The following PPP1R12B variants were observed in gnomAD, a reference collection of about 807,000 sequenced individuals.
The protein encoded by PPP1R12B is myosin phosphatase target subunit 2.
In PPP1R12B, 76 loss-of-function variants were observed where a neutral mutation model predicts 126.1. That is an observed-to-expected ratio of 0.60 (90% CI 0.50 to 0.73). PPP1R12B has a LOEUF of 0.73. Ranked by LOEUF, PPP1R12B falls within the 30% of genes least tolerant of loss-of-function variation. The probability of loss-of-function intolerance (pLI) is 0.00; values close to 1 mark genes in which losing one functional copy is unlikely to be tolerated. For synonymous variants in PPP1R12B, 356 were observed against 434.7 expected (o/e 0.82, Z 2.25); for missense variants, 1,052 against 1,205.1 (o/e 0.87, Z 1.88).
intron 10 of PPP1R12B, chr1:202,439,702 G>C: frequency 1.6e-6 from 1 of 607,050 alleles, no homozygotes; most frequent in Non-Finnish European, 3.0e-6. Context: ...AGGACTGGGG[G>C]TTGTGCAGCC....
intron 18 of PPP1R12B, among the ~76,000 whole-genome samples, chr1:202,520,997 T>C (rs1258839835): frequency 6.6e-6 from 1 of 151,998 alleles, no homozygotes; most frequent in African/African-American, 2.4e-5. Context: ...AAGAGCACAA[T>C]ACAAATAGGA....
chr1:202,511,362 G>A (rs1681485836), intron 18 of PPP1R12B, among the ~76,000 whole-genome samples: 1 of 151,716 alleles, frequency 6.6e-6, no homozygotes, highest in African/African-American at 2.4e-5. Flanking sequence ...GACTACAGAT[G>A]CCCGCCACCA....
intron 1 of PPP1R12B, among the ~76,000 whole-genome samples, chr1:202,399,975 T>C (rs1216425505): frequency 6.6e-6 from 1 of 151,920 alleles, no homozygotes; most frequent in Non-Finnish European, 1.5e-5. Flanking sequence ...ACCCAATAGT[T>C]AGTTTTTCAT....
At chr1:202,506,716 A>G (rs1386953129) in intron 18 of PPP1R12B, among the ~76,000 whole-genome samples, 1 of 152,202 alleles carries the variant, frequency 6.6e-6, no homozygotes, top group East Asian at 1.9e-4. Flanking sequence ...TTTTTATTAT[A>G]GGAACAGAGA....
At chr1:202,407,519 T>C (rs1254683402) in intron 1 of PPP1R12B, among the ~76,000 whole-genome samples, 1 of 152,220 alleles carries the variant, frequency 6.6e-6, no homozygotes, top group Non-Finnish European at 1.5e-5. Context: ...TAATCAGATA[T>C]AGTTCTCACC....
At chr1:202,569,019 T>G (rs1688331824) in intron 22 of PPP1R12B, 128 bp from the exon 23 acceptor site, 2 of 923,766 alleles carry the variant, frequency 2.2e-6, no homozygotes, top group East Asian at 5.2e-5. Context: ...ATCTCCTGAG[T>G]AAGGTTTGCC....
At chr1:202,551,234 C>G (rs968690940) in intron 18 of PPP1R12B, among the ~76,000 whole-genome samples, 4 of 151,946 alleles carry the variant, frequency 2.6e-5, no homozygotes, top group Non-Finnish European at 1.5e-5. Context: ...CTGTATTTGA[C>G]TATGTTTAAC....
intron 1 of PPP1R12B, among the ~76,000 whole-genome samples, chr1:202,357,995 A>C (rs934447680): frequency 6.6e-6 from 1 of 152,150 alleles, no homozygotes; most frequent in Non-Finnish European, 1.5e-5. Flanking sequence ...GGGGAGTACT[A>C]TATTTATCAG....
intron 18 of PPP1R12B, among the ~76,000 whole-genome samples, chr1:202,542,690 C>T (rs1685247156): frequency 6.6e-6 from 1 of 152,180 alleles, no homozygotes; most frequent in African/African-American, 2.4e-5. Context: ...TCTCAAATCC[C>T]AGTCATACTC....
intron 18 of PPP1R12B, among the ~76,000 whole-genome samples, chr1:202,514,937 A>G (rs995885253): frequency 7.9e-5 from 12 of 152,374 alleles, no homozygotes; most frequent in African/African-American, 2.2e-4. Flanking sequence ...TGTGGTACAT[A>G]TACACCATAG....
chr1:202,446,256 A>ATATATATTTTTTTT (rs376183502), intron 12 of PPP1R12B, among the ~76,000 whole-genome samples: 2 of 54,340 alleles, frequency 3.7e-5, no homozygotes, highest in South Asian at 1.0e-3. Context: ...ATATATATAT[A>ATATATATTTTTTTT]TTTTTTTTTT....
chr1:202,545,741 A>G (rs1020433437), intron 18 of PPP1R12B, among the ~76,000 whole-genome samples: 2 of 152,244 alleles, frequency 1.3e-5, no homozygotes, highest in African/African-American at 4.8e-5. Context: ...TGTGGTTAAT[A>G]CATTAGCCTG....
intron 12 of PPP1R12B, chr1:202,445,291 T>A: frequency 1.7e-6 from 2 of 1,177,650 alleles, no homozygotes; most frequent in Non-Finnish European, 2.1e-6. Context: ...AAAACACATA[T>A]GAAATTTGAA....
intron 12 of PPP1R12B, chr1:202,444,959 A>G: frequency 9.0e-7 from 1 of 1,107,050 alleles, no homozygotes; most frequent in Non-Finnish European, 1.2e-6. Context: ...ATTCATTTCA[A>G]GTGCACAATC....
chr1:202,542,757 T>A (rs1295686166), intron 18 of PPP1R12B, among the ~76,000 whole-genome samples: 1 of 152,194 alleles, frequency 6.6e-6, no homozygotes, highest in Non-Finnish European at 1.5e-5. Flanking sequence ...GGTCTTTGTA[T>A]TTCTCTAGAA....
chr1:202,379,013 C>T (rs1661758587), intron 1 of PPP1R12B, among the ~76,000 whole-genome samples: 1 of 152,078 alleles, frequency 6.6e-6, no homozygotes, highest in Non-Finnish European at 1.5e-5. Flanking sequence ...GTAACCTTAC[C>T]CACTCCCATG....
intron 18 of PPP1R12B, among the ~76,000 whole-genome samples, chr1:202,537,274 AACCCG>A (rs1369376391): frequency 2.0e-5 from 3 of 152,148 alleles, no homozygotes; most frequent in Non-Finnish European, 4.4e-5. Context: ...GAATGGCGTG[AACCCG>A]GGAGGCGGAG....
intron 1 of PPP1R12B, among the ~76,000 whole-genome samples, chr1:202,383,287 C>T (rs1662631074): frequency 6.6e-6 from 1 of 152,266 alleles, no homozygotes; most frequent in Admixed American, 6.5e-5. Flanking sequence ...AAGAGATAGA[C>T]CATTAGCAAT....
chr1:202,552,756 C>T (rs1419487263), intron 18 of PPP1R12B, among the ~76,000 whole-genome samples: 2 of 152,184 alleles, frequency 1.3e-5, no homozygotes, highest in Non-Finnish European at 2.9e-5. Context: ...GGGGTCAAGC[C>T]ATGACTTCAA....
Sources: gnomAD v4.1 joint callset for allele counts (sites outside exome capture counted in the v4.1 genomes callset) on GRCh38, gnomAD v4.1.1 for gene constraint, MANE v1.5 for transcripts, NCBI Gene and HGNC (gene_info 2026-07-23, HGNC 2026-07-21) for gene names.